The following STK24 variants were observed in gnomAD, a reference collection of about 807,000 sequenced individuals.
STK24 encodes the protein serine/threonine kinase 24.
STK24 carries 21 observed loss-of-function variants against 55.6 expected under a neutral mutation model. The observed-to-expected ratio is 0.38, with a 90% CI of 0.27 to 0.54. The LOEUF (loss-of-function observed/expected upper bound fraction) is 0.54. Ranked by LOEUF, STK24 falls within the 20% of genes least tolerant of loss-of-function variation. STK24 has a pLI of 0.79. For missense variants in STK24, 383 were observed against 538.4 expected, an observed-to-expected ratio of 0.71 and a Z score of 2.86; for synonymous variants, 200 against 215.2, an observed-to-expected ratio of 0.93 and a Z score of 0.62.
chr13:98,550,190 A>C (rs1382561531), intron 1 of STK24, among the ~76,000 whole-genome samples: 1 of 152,216 alleles, frequency 6.6e-6, no homozygotes, highest in African/African-American at 2.4e-5. Context: ...GTCATTTACA[A>C]CTGAGGGAAT....
At chr13:98,537,336 C>T (rs1383473504) in intron 1 of STK24, among the ~76,000 whole-genome samples, 1 of 152,196 alleles carries the variant, frequency 6.6e-6, no homozygotes, top group Non-Finnish European at 1.5e-5. Context: ...CCCTGGATGG[C>T]GTTACCCTAT....
intron 1 of STK24, among the ~76,000 whole-genome samples, chr13:98,525,210 C>CA (rs1896390513): frequency 6.6e-6 from 1 of 152,120 alleles, no homozygotes; most frequent in African/African-American, 2.4e-5. Context: ...ATTTCCTTGG[C>CA]AAAAAAGGCA....
intron 1 of STK24, among the ~76,000 whole-genome samples, chr13:98,532,089 GA>G (rs1434834702): frequency 1.3e-5 from 2 of 152,156 alleles, no homozygotes; most frequent in Non-Finnish European, 2.9e-5. Context: ...AAGCTAACCA[GA>G]AACTCTCACA....
At chr13:98,463,661 C>T (rs1893806792) in intron 7 of STK24, 30 bp downstream of exon 7, 1 of 1,601,738 alleles carries the variant, frequency 6.2e-7, no homozygotes, top group Non-Finnish European at 8.5e-7. Flanking sequence ...CTCCCACACA[C>T]ATGCTTGGGT....
At chr13:98,526,727 T>C (rs767224131) in intron 1 of STK24, among the ~76,000 whole-genome samples, 2 of 152,244 alleles carry the variant, frequency 1.3e-5, no homozygotes, top group Admixed American at 6.5e-5. Context: ...GCATTTCTGC[T>C]GTGGGGAGGA....
chr13:98,527,626 C>T (rs1401075375), intron 1 of STK24, among the ~76,000 whole-genome samples: 1 of 152,134 alleles, frequency 6.6e-6, no homozygotes, highest in Non-Finnish European at 1.5e-5. Context: ...TGCCCCTGTG[C>T]CTTGAACGAC....
At chr13:98,561,293 A>G (rs533905250) in intron 1 of STK24, among the ~76,000 whole-genome samples, 138 of 152,342 alleles carry the variant, frequency 9.1e-4, no homozygotes, top group Non-Finnish European at 1.4e-3. Context: ...AAAAGAAAGC[A>G]GCAAGGAGGT....
chr13:98,468,475 G>A (rs1289660332), intron 5 of STK24, among the ~76,000 whole-genome samples: 4 of 152,234 alleles, frequency 2.6e-5, no homozygotes, highest in Non-Finnish European at 5.9e-5. Flanking sequence ...CCAGAACTGT[G>A]GCAGCGACAG....
intron 2 of STK24, among the ~76,000 whole-genome samples, chr13:98,484,253 GA>G (rs368123217): frequency 1.5e-3 from 222 of 152,290 alleles, no homozygotes; most frequent in African/African-American, 5.1e-3. Flanking sequence ...GCTCTTCCAG[GA>G]AAACACCAGT....
intron 2 of STK24, among the ~76,000 whole-genome samples, chr13:98,500,776 C>CA (rs754500264): frequency 1.3e-5 from 2 of 152,030 alleles, no homozygotes; most frequent in Non-Finnish European, 2.9e-5. Flanking sequence ...AGCACACAGG[C>CA]AAGTGCTGGG....
chr13:98,552,280 C>T (rs1406406174), intron 1 of STK24, among the ~76,000 whole-genome samples: 10 of 152,066 alleles, frequency 6.6e-5, no homozygotes, highest in African/African-American at 2.4e-4. Context: ...CGACCACCCA[C>T]AGGAACAAGG....
At chr13:98,475,019 T>TA (rs778461723) in intron 4 of STK24, 41 bp from the exon 5 acceptor site, 104 of 1,569,960 alleles carry the variant, frequency 6.6e-5, no homozygotes, top group Non-Finnish European at 8.8e-5. Flanking sequence ...GGTGCGGACT[T>TA]ACAACTCCGT....
At chr13:98,545,131 T>C (rs1383968001) in intron 1 of STK24, among the ~76,000 whole-genome samples, 3 of 152,198 alleles carry the variant, frequency 2.0e-5, no homozygotes, top group Admixed American at 6.5e-5. Context: ...CAATGTAAAA[T>C]TAATGACAGG....
At chr13:98,466,324 A>G in intron 6 of STK24, 52 bp downstream of exon 6, 4 of 1,580,462 alleles carry the variant, frequency 2.5e-6, no homozygotes, top group Non-Finnish European at 3.4e-6. Flanking sequence ...ATGTATCTCA[A>G]CCAAGTCAAG....
At chr13:98,547,848 C>A (rs117398820) in intron 1 of STK24, among the ~76,000 whole-genome samples, 2,914 of 152,312 alleles carry the variant, frequency 0.019, 32 homozygotes, top group Non-Finnish European at 0.029. Flanking sequence ...ACTTCAATAT[C>A]ACAGCCTCAT....
At chr13:98,487,631 C>T (rs1894856881) in intron 2 of STK24, among the ~76,000 whole-genome samples, 1 of 152,222 alleles carries the variant, frequency 6.6e-6, no homozygotes, top group African/African-American at 2.4e-5. Flanking sequence ...GCATTCTACA[C>T]ACACTGTTGT....
chr13:98,545,235 TTCTC>T (rs751003834), intron 1 of STK24, among the ~76,000 whole-genome samples: 2 of 152,210 alleles, frequency 1.3e-5, no homozygotes, highest in Admixed American at 6.5e-5. Context: ...TAACAGTATG[TTCTC>T]TCTGTTTTTC....
chr13:98,559,984 TA>T (rs1028293054), intron 1 of STK24, among the ~76,000 whole-genome samples: 1 of 151,998 alleles, frequency 6.6e-6, no homozygotes, highest in African/African-American at 2.4e-5. Context: ...TCCCATCTCT[TA>T]AAAAAACAGT....
Position 98,522,349 on chromosome 13 carries a change from C to T in STK24, c.43-2876G>A, listed in dbSNP as rs569828567. Reference sequence around the variant, plus strand: ...GGGTCTGGGGCCCTTGTTTCCCAAACCTGCCCGAACAGAACCACCTAGGAC... The same window carrying T: ...GGGTCTGGGGCCCTTGTTTCCCAAATCTGCCCGAACAGAACCACCTAGGAC... On this transcript the variant is annotated intron_variant, in intron 1 of 10. Coordinates refer to ENST00000539966, the MANE Select transcript of STK24 (RefSeq NM_001032296.4). Among the ~76,000 whole-genome samples the T allele has an allele frequency of 3.9e-5, 6 of 152,300 alleles. 1 individual carries two copies. Among genetic ancestry groups the T allele is most frequent in the African/African-American group, 7.2e-5 (3 of 41,562 alleles).
Sources: gnomAD v4.1 joint callset for allele counts (sites outside exome capture counted in the v4.1 genomes callset) on GRCh38, gnomAD v4.1.1 for gene constraint, MANE v1.5 for transcripts, NCBI Gene and HGNC (gene_info 2026-07-23, HGNC 2026-07-21) for gene names.